The following DNAJC5 variants were observed in gnomAD, a reference collection of about 807,000 sequenced individuals.
The protein encoded by DNAJC5 is dnaJ homolog subfamily C member 5.
Under a neutral mutation model 23.2 loss-of-function variants are expected in DNAJC5, and 1 was observed. The ratio of observed to expected loss-of-function variants is 0.04; its 90% CI spans 0.02 to 0.20. The LOEUF is 0.20. DNAJC5 is among the 10% of genes least tolerant of loss of function. DNAJC5 has a pLI of 1.00. For synonymous variants in DNAJC5, 136 were observed against 120.0 expected (o/e 1.13, Z -0.87); for missense variants, 180 against 267.0 (o/e 0.67, Z 2.27).
intron 1 of DNAJC5, among the ~76,000 whole-genome samples, chr20:63,917,260 T>C (rs2053521129): frequency 6.6e-6 from 1 of 150,472 alleles, no homozygotes. Context: ...AAAATTAGCT[T>C]TTTTCTTTTT....
rs183959321 is a variant in DNAJC5 at position 63,916,184 on chromosome 20, G to A, written c.-11-12151G>A. Among the ~76,000 whole-genome samples, 20 of 152,352 alleles carry A rather than the reference G, an allele frequency of 1.3e-4. No homozygotes were observed. In the East Asian group the frequency reaches 3.7e-3, roughly 28 times the overall value. ...GCTGGTCTCAAACTCCTGGCCTCAA[G>A]CAATCTGCATTCCTCAGCCTCCAAA... On this transcript the variant is annotated intron_variant, in intron 1 of 4. Transcript: ENST00000360864.
rs550227852 is a variant in DNAJC5 at position 63,914,403 on chromosome 20, C to A, written c.-11-13932C>A. 1.4e-4 allele frequency among the ~76,000 whole-genome samples: 22 copies of A among 152,220 alleles called. No homozygotes were observed. The East Asian group carries it at 1.7e-3, about 12-fold the overall frequency. On this transcript the variant is annotated intron_variant, in intron 1 of 4. Transcript: ENST00000360864. The stretch of plus-strand genomic sequence containing the variant: ...GATCTCCGCTCACTGCAAGCTCCCC[C>A]TCCTGGGTTCACGCGATTCTCCCGC...
Position 63,929,569 on chromosome 20 carries a change from G to C in DNAJC5, c.321+44G>C, listed in dbSNP as rs554543887. 1.8e-5 allele frequency: 29 copies of C among 1,602,974 alleles called. 1 individual carries two copies. In the South Asian group the frequency reaches 2.4e-4, roughly 13 times the overall value. ...CCGTGCGGGCACCCGAGTCACTCCT[G>C]CCGTGCGGGCACCCGAGTCTCTCCT... is the stretch of plus-strand genomic sequence containing the variant. On this transcript the variant is annotated intron_variant, in intron 3 of 4. Transcript: ENST00000360864. This position sits in a 1 kb window ranked among gnomAD's most constrained non-coding sequence, Gnocchi z 8.6.
intron 1 of DNAJC5, among the ~76,000 whole-genome samples, chr20:63,924,868 G>T (rs1320189523): frequency 6.6e-6 from 1 of 152,258 alleles, no homozygotes; most frequent in East Asian, 1.9e-4. Context: ...GCCCTGCTTG[G>T]CCACACTGGC....
intron 1 of DNAJC5, among the ~76,000 whole-genome samples, chr20:63,900,818 T>C (rs185909831): frequency 1.2e-4 from 19 of 152,328 alleles, no homozygotes; most frequent in African/African-American, 4.6e-4. Flanking sequence ...ATTCCTTGAA[T>C]ATGGATGTGA....
intron 1 of DNAJC5, among the ~76,000 whole-genome samples, chr20:63,908,134 A>G (rs1384321336): frequency 6.6e-6 from 1 of 152,156 alleles, no homozygotes; most frequent in Non-Finnish European, 1.5e-5. Context: ...TTGGTTGCAT[A>G]CTAGACTCAC....
intron 1 of DNAJC5, among the ~76,000 whole-genome samples, chr20:63,916,694 G>GGAGA (rs761153720): frequency 5.3e-5 from 8 of 152,160 alleles, no homozygotes; most frequent in Non-Finnish European, 7.3e-5. Flanking sequence ...GGGTACTGCA[G>GGAGA]GAGACCAGGG....
chr20:63,913,309 C>T (rs2053495323), intron 1 of DNAJC5, among the ~76,000 whole-genome samples: 2 of 152,182 alleles, frequency 1.3e-5, no homozygotes, highest in Non-Finnish European at 2.9e-5. Context: ...CCCTCTCCTC[C>T]CGCTTCTCCT....
intron 1 of DNAJC5, among the ~76,000 whole-genome samples, chr20:63,898,944 A>G (rs1057376295): frequency 1.3e-5 from 2 of 152,200 alleles, no homozygotes; most frequent in Non-Finnish European, 2.9e-5. Context: ...GTGTCCAAGA[A>G]GCACCGTCTT....
chr20:63,928,185 C>A lies in DNAJC5; in HGVS notation c.-11-150C>A. The A allele has an allele frequency of 3.0e-6, 2 of 674,258 alleles. No homozygotes were observed. Among genetic ancestry groups the A allele is most frequent in the South Asian group, 3.2e-5 (2 of 62,236 alleles). 41.8% of individuals were successfully genotyped at this position (674,258 alleles called of 1,614,324 possible). A position where few individuals can be genotyped will look rare whatever the true frequency, so the allele number is the denominator to read the frequency against. ...TTCTGCCGTCTCACACTTCTCCATG[C>A]CATGGCGTCTGTCTGTGCACGTGGC... On this transcript the variant is annotated intron_variant, in intron 1 of 4. Coordinates refer to ENST00000360864, the MANE Select transcript of DNAJC5 (RefSeq NM_025219.3). The surrounding 1 kb of genome is among the most constrained non-coding windows in gnomAD (Gnocchi z 4.6).
intron 1 of DNAJC5, among the ~76,000 whole-genome samples, chr20:63,927,674 C>G (rs2427568): frequency 0.17 from 25,838 of 151,976 alleles, 3,998 homozygotes; most frequent in East Asian, 0.48. Context: ...CTGTCGATTT[C>G]TGAGAAAGTA....
At chr20:63,903,878 G>A (rs1403091915) in intron 1 of DNAJC5, among the ~76,000 whole-genome samples, 1 of 152,052 alleles carries the variant, frequency 6.6e-6, no homozygotes, top group African/African-American at 2.4e-5. Context: ...TCGAGTTCAG[G>A]AATTTGAGAC....
chr20:63,911,351 A>G (rs2053481762), intron 1 of DNAJC5, among the ~76,000 whole-genome samples: 1 of 152,146 alleles, frequency 6.6e-6, no homozygotes, highest in South Asian at 2.1e-4. Context: ...GCTTCTTGAC[A>G]TTAACTTTGT....
intron 1 of DNAJC5, among the ~76,000 whole-genome samples, chr20:63,905,037 T>C (rs2053438466): frequency 6.6e-6 from 1 of 150,678 alleles, no homozygotes; most frequent in Admixed American, 6.6e-5. Context: ...ACTCCTGACA[T>C]CAGGTGATCC....
Position 63,919,053 on chromosome 20 carries a change from T to C in DNAJC5, c.-11-9282T>C, listed in dbSNP as rs181767453. Among the ~76,000 whole-genome samples the C allele has an allele frequency of 2.5e-3, 379 of 152,360 alleles. 1 individual carries two copies. The highest frequency in any genetic ancestry group is 4.3e-3 in the Admixed American group (66 of 15,300). ...GTAGTTTGAGTTCAGCAGCAGCTCT[T>C]TTATAAAACGTTTGCTGCACACACT... On this transcript the variant is annotated intron_variant, in intron 1 of 4. Transcript: ENST00000360864.
chr20:63,922,604 C>CA (rs1239914345), intron 1 of DNAJC5, among the ~76,000 whole-genome samples: 3 of 151,590 alleles, frequency 2.0e-5, no homozygotes, highest in Non-Finnish European at 4.4e-5. Context: ...CCCGTCTCTG[C>CA]AAAAAATTTC....
chr20:63,924,765 G>A (rs1202144648), intron 1 of DNAJC5, among the ~76,000 whole-genome samples: 1 of 152,186 alleles, frequency 6.6e-6, no homozygotes, highest in Admixed American at 6.5e-5. Flanking sequence ...GTTGAGCCTG[G>A]GAGGCGGAGG....
At chr20:63,913,177 G>C (rs866609297) in intron 1 of DNAJC5, among the ~76,000 whole-genome samples, 2 of 94,438 alleles carry the variant, frequency 2.1e-5, no homozygotes, top group Non-Finnish European at 3.7e-5. Context: ...CCCAGCCCCT[G>C]CTGTGTCTTC....
chr20:63,926,814 T>TTA (rs1192266685), intron 1 of DNAJC5, among the ~76,000 whole-genome samples: 1 of 152,214 alleles, frequency 6.6e-6, no homozygotes, highest in African/African-American at 2.4e-5. Context: ...GGTGCTGCTC[T>TTA]TACCAAGAAA....
Sources: allele counts gnomAD v4.1 joint callset (sites outside exome capture counted in the v4.1 genomes callset), GRCh38; gene constraint gnomAD v4.1.1; non-coding constraint Gnocchi (gnomAD v3.1); transcripts MANE v1.5; gene names NCBI Gene and HGNC (gene_info 2026-07-23, HGNC 2026-07-21).